PCCA: variants seen among roughly 807,000 people sequenced by gnomAD.
The protein encoded by PCCA is propionyl-CoA carboxylase subunit alpha.
Under a neutral mutation model 101.3 loss-of-function variants are expected in PCCA, and 74 were observed. The ratio of observed to expected loss-of-function variants is 0.73; its 90% CI spans 0.61 to 0.89. The LOEUF (loss-of-function observed/expected upper bound fraction) is 0.89, where lower values mean the gene tolerates loss of function less well. PCCA is among the 40% of genes least tolerant of loss of function. The pLI is 0.00. For synonymous variants in PCCA, 294 were observed against 313.6 expected (o/e 0.94, Z 0.66); for missense variants, 891 against 907.0 (o/e 0.98, Z 0.23).
chr13:100,215,627 A>T (rs771551391), intron 7 of PCCA, among the ~76,000 whole-genome samples: 5 of 151,822 alleles, frequency 3.3e-5, no homozygotes, highest in Non-Finnish European at 4.4e-5. Context: ...ACTTTATTTT[A>T]TTTTTTATTT....
chr13:100,378,907 A>G (rs1019849678), intron 19 of PCCA, among the ~76,000 whole-genome samples: 1 of 151,288 alleles, frequency 6.6e-6, no homozygotes, highest in Non-Finnish European at 1.5e-5. Context: ...ATTTTTAGTT[A>G]TTTTTCTGGA....
rs150629117 is a variant in PCCA, at chr13:100,267,730, C to A, written c.820-959C>A. Among the ~76,000 whole-genome samples the A allele has an allele frequency of 2.1e-3, 321 of 152,280 alleles. 1 individual carries two copies. The highest frequency in any genetic ancestry group is 7.3e-3 in the African/African-American group (304 of 41,570). ...TCTAGGCAAAAACTTTAATGAAGAG[C>A]TGCTTTTGAGTTTCCAGATTTAGCT... On this transcript the variant is annotated intron_variant, in intron 10 of 23. Transcript: ENST00000376285.
intron 4 of PCCA, among the ~76,000 whole-genome samples, chr13:100,132,734 A>G (rs894536237): frequency 2.6e-5 from 4 of 152,146 alleles, no homozygotes; most frequent in Non-Finnish European, 4.4e-5. Context: ...CCAGAATACA[A>G]TGAGAGTTGT....
Position 100,111,904 on chromosome 13 carries a change from G to A in PCCA, c.231+16G>A, listed in dbSNP as rs562491059. ...TGCATGTCGGGTGAGTAGAATTTTC[G>A]TCTTATTTTCCATTTTACTCTGAAA... On this transcript the variant is annotated intron_variant, in intron 3 of 23. Transcript: ENST00000376285. 141 of 1,606,572 alleles carry A rather than the reference G, an allele frequency of 8.8e-5. 2 individuals are homozygous for A. The highest frequency in any genetic ancestry group is 8.6e-4 in the South Asian group (78 of 90,804).
At chr13:100,113,536 T>A (rs553820117) in intron 4 of PCCA, among the ~76,000 whole-genome samples, 6 of 152,238 alleles carry the variant, frequency 3.9e-5, no homozygotes, top group Admixed American at 6.5e-5. Flanking sequence ...ATAACTTTTT[T>A]AAATTATAAA....
chr13:100,491,524 A>C (rs1465491794), intron 21 of PCCA: 2 of 428,918 alleles, frequency 4.7e-6, no homozygotes, highest in Admixed American at 3.9e-5. Flanking sequence ...ATAGATAAAA[A>C]GGAAAAGAAT....
intron 17 of PCCA, among the ~76,000 whole-genome samples, chr13:100,337,558 T>C (rs1167701778): frequency 1.3e-5 from 2 of 152,190 alleles, no homozygotes; most frequent in African/African-American, 4.8e-5. Context: ...ACAGAGCCTG[T>C]TGGAACTGAG....
At chr13:100,352,647 G>A (rs983179630) in intron 18 of PCCA, among the ~76,000 whole-genome samples, 3 of 151,748 alleles carry the variant, frequency 2.0e-5, no homozygotes, top group African/African-American at 7.3e-5. Flanking sequence ...TCCCACCTCA[G>A]CCTCCTGAAG....
intron 19 of PCCA, among the ~76,000 whole-genome samples, chr13:100,378,955 C>G (rs1483347380): frequency 6.6e-6 from 1 of 152,042 alleles, no homozygotes; most frequent in East Asian, 1.9e-4. Flanking sequence ...TTGCTGCAGA[C>G]TTATTGTATT....
At chr13:100,505,868 C>T (rs1566475672) in intron 21 of PCCA, among the ~76,000 whole-genome samples, 1 of 151,814 alleles carries the variant, frequency 6.6e-6, no homozygotes, top group Non-Finnish European at 1.5e-5. Context: ...TCCCCCATCC[C>T]CCCCAAAAAA....
intron 19 of PCCA, among the ~76,000 whole-genome samples, chr13:100,382,760 C>G (rs536915285): frequency 6.6e-6 from 1 of 151,902 alleles, no homozygotes; most frequent in African/African-American, 2.4e-5. Context: ...AATATTTTGT[C>G]AGGGAAAAAA....
Position 100,277,916 on chromosome 13 carries a change from A to G in PCCA, c.1065+4570A>G, listed in dbSNP as rs75632101. ...CATTGTAAAGTATAACTGTCAAATA[A>G]TGTGGCTGATTTTCCTTAAGTATGG... On this transcript the variant is annotated intron_variant, in intron 12 of 23. Coordinates refer to ENST00000376285, the MANE Select transcript of PCCA (RefSeq NM_000282.4). Among the ~76,000 whole-genome samples the G allele has an allele frequency of 7.3e-3, 1,119 of 152,310 alleles. 11 individuals are homozygous for G. The highest frequency in any genetic ancestry group is 0.025 in the African/African-American group (1,059 of 41,566).
chr13:100,169,580 T>G (rs2055415935), intron 6 of PCCA, among the ~76,000 whole-genome samples: 1 of 152,052 alleles, frequency 6.6e-6, no homozygotes. Context: ...CAGGCTAGGG[T>G]GCAGTGGCAC....
intron 6 of PCCA, among the ~76,000 whole-genome samples, chr13:100,207,528 A>G (rs2058936044): frequency 6.6e-6 from 1 of 151,752 alleles, no homozygotes; most frequent in Admixed American, 6.6e-5. Context: ...TTACAGGCGC[A>G]TGCCACCACG....
intron 19 of PCCA, among the ~76,000 whole-genome samples, chr13:100,393,638 T>G (rs1236243298): frequency 6.6e-6 from 1 of 152,080 alleles, no homozygotes; most frequent in East Asian, 1.9e-4. Flanking sequence ...AGGCTGGTCT[T>G]GAACTCTTGA....
intron 21 of PCCA, among the ~76,000 whole-genome samples, chr13:100,507,492 G>A (rs1415967264): frequency 6.6e-6 from 1 of 152,102 alleles, no homozygotes; most frequent in Non-Finnish European, 1.5e-5. Context: ...AGAAGACTAG[G>A]AATGGGGCAG....
intron 4 of PCCA, among the ~76,000 whole-genome samples, chr13:100,116,091 T>C (rs540658231): frequency 2.0e-5 from 3 of 152,304 alleles, no homozygotes; most frequent in African/African-American, 7.2e-5. Flanking sequence ...TAACAGCATC[T>C]TTTGCATCCT....
At chr13:100,258,921 A>G (rs1010115913) in intron 9 of PCCA, among the ~76,000 whole-genome samples, 1 of 152,218 alleles carries the variant, frequency 6.6e-6, no homozygotes, top group Non-Finnish European at 1.5e-5. Context: ...AGATCAACAC[A>G]GGCGTGCCTA....
At chr13:100,359,145 A>T (rs955224030) in intron 18 of PCCA, among the ~76,000 whole-genome samples, 1 of 151,994 alleles carries the variant, frequency 6.6e-6, no homozygotes, top group Non-Finnish European at 1.5e-5. Flanking sequence ...TTAAAAAAAA[A>T]TGGAAGACAG....
Sources: gnomAD v4.1 joint callset for allele counts (sites outside exome capture counted in the v4.1 genomes callset) on GRCh38, gnomAD v4.1.1 for gene constraint, MANE v1.5 for transcripts, NCBI Gene and HGNC (gene_info 2026-07-23, HGNC 2026-07-21) for gene names.